MYO16: variants seen among roughly 807,000 people sequenced by gnomAD.
The protein encoded by MYO16 is unconventional myosin-XVI.
A neutral mutation model predicts 205.3 loss-of-function variants in MYO16; 94 were observed. That is an observed-to-expected ratio of 0.46 (90% CI 0.39 to 0.54). MYO16 has a LOEUF of 0.54. Ranked by LOEUF, MYO16 falls within the 20% of genes least tolerant of loss-of-function variation. The probability of loss-of-function intolerance (pLI) is 0.00; values close to 1 mark genes in which losing one functional copy is unlikely to be tolerated. For synonymous variants in MYO16, 988 were observed against 954.0 expected (o/e 1.04, Z -0.66); for missense variants, 2,315 against 2,387.5 (o/e 0.97, Z 0.63).
chr13:108,625,732 T>A (rs1320856405), upstream of MYO16, among the ~76,000 whole-genome samples: 2 of 152,236 alleles, frequency 1.3e-5, no homozygotes, highest in Admixed American at 6.5e-5. Context: ...TAAATTTGCA[T>A]AACAAAAAAC....
chr13:108,531,573 T>C, the MYO16 span, among the ~76,000 whole-genome samples: 10 of 151,914 alleles, frequency 6.6e-5, no homozygotes, highest in South Asian at 1.9e-3. Context: ...TACTCGTTAC[T>C]GAGACAGGAA....
chr13:108,650,887 G>T (rs1880970863), intron 1 of MYO16, among the ~76,000 whole-genome samples: 1 of 152,170 alleles, frequency 6.6e-6, no homozygotes, highest in South Asian at 2.1e-4. Context: ...AGGCAGTTCT[G>T]ATCTTAAAGG....
chr13:108,658,468 T>C (rs1162081826), intron 1 of MYO16, among the ~76,000 whole-genome samples: 3 of 149,810 alleles, frequency 2.0e-5, no homozygotes, highest in Non-Finnish European at 3.0e-5. Flanking sequence ...GTTTTCTAAA[T>C]TCATGTGCCA....
intron 4 of MYO16, among the ~76,000 whole-genome samples, chr13:108,777,591 G>T (rs1249488133): frequency 6.6e-6 from 1 of 152,144 alleles, no homozygotes; most frequent in Admixed American, 6.5e-5. Context: ...TGGAGGGTGT[G>T]CACCACTGGG....
At position 108,779,299 on chromosome 13, in the gene MYO16, A is replaced by G. The variant is rs550906528; in HGVS notation, c.508-6336A>G. On this transcript the variant is annotated intron_variant, in intron 4 of 34. Transcript: ENST00000457511. ...CATCCAGCCAGGATCCAGAATTACCACCAATCATTTGAAAAAGAAAGATTG... is the reference window on the plus strand; with the variant it reads ...CATCCAGCCAGGATCCAGAATTACCGCCAATCATTTGAAAAAGAAAGATTG... Among the ~76,000 whole-genome samples, 8 of 152,354 alleles carry G rather than the reference A, an allele frequency of 5.3e-5. No homozygotes were observed. In the South Asian group the frequency reaches 1.4e-3, roughly 28 times the overall value.
At chr13:108,586,679 G>A in the MYO16 span, among the ~76,000 whole-genome samples, 36,010 of 152,072 alleles carry the variant, frequency 0.24, 4,603 homozygotes, top group Middle Eastern at 0.29. Context: ...GAAAATGGTG[G>A]AGTAAAGCAA....
At chr13:108,572,947 G>C in the MYO16 span, among the ~76,000 whole-genome samples, 55 of 152,240 alleles carry the variant, frequency 3.6e-4, no homozygotes, top group Non-Finnish European at 7.4e-4. Flanking sequence ...CAGATAAACT[G>C]GTTCAGCCTC....
At chr13:108,873,522 T>A (rs1594360537) in intron 12 of MYO16, among the ~76,000 whole-genome samples, 1 of 152,242 alleles carries the variant, frequency 6.6e-6, no homozygotes, top group Non-Finnish European at 1.5e-5. Context: ...AGTGCTGATC[T>A]GACACTAACA....
intron 22 of MYO16, among the ~76,000 whole-genome samples, chr13:109,014,706 G>A (rs1885742310): frequency 6.6e-6 from 1 of 152,082 alleles, no homozygotes; most frequent in Non-Finnish European, 1.5e-5. Flanking sequence ...TGGATTCCTA[G>A]GTATTTTATT....
At chr13:109,184,930 G>A (rs1043044687) in intron 34 of MYO16, among the ~76,000 whole-genome samples, 3 of 152,086 alleles carry the variant, frequency 2.0e-5, no homozygotes, top group Non-Finnish European at 4.4e-5. Context: ...CATCATGCTC[G>A]GCTAATTTTT....
intron 27 of MYO16, among the ~76,000 whole-genome samples, chr13:109,089,637 A>G (rs1455504927): frequency 6.6e-6 from 1 of 152,250 alleles, no homozygotes; most frequent in Non-Finnish European, 1.5e-5. Context: ...ATTGATTTAG[A>G]AACTACATTT....
chr13:109,191,127 G>A (rs760406496), intron 34 of MYO16, among the ~76,000 whole-genome samples: 1 of 152,022 alleles, frequency 6.6e-6, no homozygotes, highest in Non-Finnish European at 1.5e-5. Context: ...GCTGAGGCAG[G>A]AGAATCACTT....
At position 108,793,091 on chromosome 13, in the gene MYO16, G is replaced by A. The variant is rs565467576; in HGVS notation, c.617-425G>A. ...GAGGTCAGGATATCGAGACCATCCT[G>A]GCTAACACCGTGAAACCCCATCTCT... On this transcript the variant is annotated intron_variant, in intron 5 of 34. Transcript: ENST00000457511. 8.5e-5 allele frequency among the ~76,000 whole-genome samples: 13 copies of A among 152,140 alleles called. No individual in the cohort carries two copies. The South Asian group carries it at 2.7e-3, about 32-fold the overall frequency.
At chr13:108,858,184 C>T (rs1303318172) in intron 11 of MYO16, among the ~76,000 whole-genome samples, 1 of 152,172 alleles carries the variant, frequency 6.6e-6, no homozygotes, top group Non-Finnish European at 1.5e-5. Context: ...ACTCTTCCAG[C>T]AGTTTGTTGG....
Position 108,793,513 on chromosome 13 carries a change from C to T in MYO16, c.617-3C>T, listed in dbSNP as rs1342457372. 6.2e-6 allele frequency: 10 copies of T among 1,613,266 alleles called. No individual in the cohort carries two copies. Among genetic ancestry groups the T allele is most frequent in the Non-Finnish European group, 8.5e-6 (10 of 1,179,586 alleles). On this transcript the variant is annotated splice_polypyrimidine_tract_variant and splice_region_variant and intron_variant, in intron 5 of 34. Transcript: ENST00000457511. ...CTGGTTGAAAGGCTCTTTCTCCCCA[C>T]AGGAGTGGATTTGACCTCACTGCGC... is the stretch of plus-strand genomic sequence containing the variant.
At chr13:108,872,102 TGGGAG>T (rs1566381279) in intron 12 of MYO16, among the ~76,000 whole-genome samples, 1 of 152,034 alleles carries the variant, frequency 6.6e-6, no homozygotes, top group East Asian at 1.9e-4. Flanking sequence ...CACCAAGGGG[TGGGAG>T]GGGAAAGAGA....
At chr13:108,747,586 TAAATC>T (rs2139627864) in intron 4 of MYO16, among the ~76,000 whole-genome samples, 1 of 120,832 alleles carries the variant, frequency 8.3e-6, no homozygotes, top group Admixed American at 8.9e-5. Context: ...TATGCTCAAT[TAAATC>T]AATGGTGGCA....
At chr13:108,922,622 A>G (rs1262169281) in intron 16 of MYO16, among the ~76,000 whole-genome samples, 1 of 152,186 alleles carries the variant, frequency 6.6e-6, no homozygotes, top group Non-Finnish European at 1.5e-5. Context: ...TCATCTGTCA[A>G]ACTCTTCAGG....
chr13:108,675,742 G>A (rs1019905826), intron 2 of MYO16, among the ~76,000 whole-genome samples: 4 of 152,158 alleles, frequency 2.6e-5, no homozygotes, highest in African/African-American at 9.7e-5. Context: ...TAGCGTGAGA[G>A]CAGCGATGGA....
Sources: gnomAD v4.1 joint callset for allele counts (sites outside exome capture counted in the v4.1 genomes callset) on GRCh38, gnomAD v4.1.1 for gene constraint, MANE v1.5 for transcripts, NCBI Gene and HGNC (gene_info 2026-07-23, HGNC 2026-07-21) for gene names.